Variants in ZNF185 observed in about 807,000 individuals in gnomAD.
ZNF185 encodes the protein zinc finger protein 185 with LIM domain, also known as zinc finger protein 185.
ZNF185 carries 56 observed loss-of-function variants against 58.6 expected under a neutral mutation model. That is an observed-to-expected ratio of 0.95 (90% CI 0.77 to 1.19). The LOEUF is 1.19. Ranked by LOEUF, ZNF185 falls within the 50% of genes most tolerant of loss-of-function variation. The pLI is 0.00. For synonymous variants in ZNF185, 230 were observed against 215.9 expected (o/e 1.07, Z -0.57); for missense variants, 627 against 573.5 (o/e 1.09, Z -0.95).
chrX:152,966,561 C>T (rs891709222), intron 19 of ZNF185, among the ~76,000 whole-genome samples: 20 of 111,443 alleles, frequency 1.8e-4, no homozygotes, highest in African/African-American at 6.2e-4. Context: ...AGGATCACTT[C>T]GGACAAGATG....
the ZNF185 span, among the ~76,000 whole-genome samples, chrX:152,906,961 G>A: frequency 9.0e-6 from 1 of 110,835 alleles, no homozygotes; most frequent in Non-Finnish European, 1.9e-5. Context: ...GTTTGCTTAG[G>A]AGGCCCTGCC....
At chrX:152,947,332 A>G (rs1004843421) in intron 16 of ZNF185, among the ~76,000 whole-genome samples, 1 of 111,590 alleles carries the variant, frequency 9.0e-6, no homozygotes, top group Admixed American at 9.5e-5. Context: ...ACAGGGAGCC[A>G]TGTTCCTGCC....
upstream of ZNF185, among the ~76,000 whole-genome samples, chrX:152,910,374 T>C (rs1335821760): frequency 8.9e-6 from 1 of 112,566 alleles, no homozygotes; most frequent in Non-Finnish European, 1.9e-5. Context: ...TGTATATCTT[T>C]ACAGATTTTT....
At chrX:152,898,082 G>T in the ZNF185 span, among the ~76,000 whole-genome samples, 2 of 101,942 alleles carry the variant, frequency 2.0e-5, no homozygotes, top group Admixed American at 2.1e-4. Context: ...GCGCCTCCTC[G>T]CCTCCCTGCG....
the ZNF185 span, among the ~76,000 whole-genome samples, chrX:152,901,991 T>C: frequency 2.7e-5 from 3 of 111,605 alleles, no homozygotes; most frequent in Admixed American, 9.4e-5. Flanking sequence ...CTGTTGGGAG[T>C]GTGCTCATTT....
rs899414605 is a variant in ZNF185 at position 152,952,160 on chromosome X, A to G, written c.1409+6696A>G. Among the ~76,000 whole-genome samples the G allele has an allele frequency of 4.5e-5, 5 of 112,319 alleles. No homozygotes were observed. The Admixed American group carries it at 4.7e-4, about 11-fold the overall frequency. On this transcript the variant is annotated intron_variant, in intron 16 of 22. Transcript: ENST00000449285. ...AAGTAGAGTAAAAATATATGCTTGT[A>G]TTCTGTTGTATTATATGTAATGCTG...
At chrX:152,960,559 G>C (rs1603306876) in intron 17 of ZNF185, among the ~76,000 whole-genome samples, 3 of 112,472 alleles carry the variant, frequency 2.7e-5, no homozygotes, top group African/African-American at 9.7e-5. Context: ...GGCCTTTGTA[G>C]ATCAGTGTGG....
rs2046294231 is a variant in ZNF185 at position 152,936,436 on chromosome X, C to G, written c.1122-1638C>G. On this transcript the variant is annotated intron_variant, in intron 14 of 22. Coordinates refer to ENST00000449285, the Ensembl canonical transcript of ZNF185. Reference sequence around the variant, plus strand: ...TTCACAGGCTGTGTGCAGCTGCTAGCTTTGCCTCTTTCCTGGAAGACCAGG... The same window carrying G: ...TTCACAGGCTGTGTGCAGCTGCTAGGTTTGCCTCTTTCCTGGAAGACCAGG... The G allele has an allele frequency of 4.3e-6, 5 of 1,165,241 alleles. No individual in the cohort carries two copies. In the South Asian group the frequency reaches 7.6e-5, roughly 18 times the overall value.
chrX:152,927,669 T>C (rs1941127042), intron 11 of ZNF185, among the ~76,000 whole-genome samples: 1 of 112,078 alleles, frequency 8.9e-6, no homozygotes, highest in African/African-American at 3.2e-5. Context: ...TCCATGAAGC[T>C]TGTCCACTGC....
chrX:152,933,754 T>C (rs1021681878), intron 14 of ZNF185, among the ~76,000 whole-genome samples: 2 of 112,507 alleles, frequency 1.8e-5, no homozygotes, highest in Non-Finnish European at 3.8e-5. Flanking sequence ...CCGCAAGATA[T>C]CATCTGCCTC....
chrX:152,924,066 C>A (rs1940340107), intron 11 of ZNF185, among the ~76,000 whole-genome samples: 1 of 111,298 alleles, frequency 9.0e-6, no homozygotes, highest in Admixed American at 9.5e-5. Context: ...ACTCCATCTT[C>A]TCCCTGGGCC....
intron 3 of ZNF185, 105 bp from the exon 5 acceptor site, chrX:152,917,026 C>T: frequency 9.0e-7 from 1 of 1,113,365 alleles, no homozygotes; most frequent in Non-Finnish European, 1.2e-6. Context: ...ACCTGGAGCA[C>T]TTGCCAGCCA....
intron 16 of ZNF185, among the ~76,000 whole-genome samples, chrX:152,955,099 C>T (rs2048690559): frequency 8.9e-6 from 1 of 111,823 alleles, no homozygotes; most frequent in African/African-American, 3.3e-5. Flanking sequence ...AGTATGGCCG[C>T]TGGGATTGGC....
At chrX:152,951,143 T>G (rs1300279521) in intron 16 of ZNF185, among the ~76,000 whole-genome samples, 1 of 104,154 alleles carries the variant, frequency 9.6e-6, no homozygotes, top group East Asian at 3.0e-4. Context: ...TGGAGTGCAG[T>G]CGCGCGATCA....
At chrX:152,969,733 C>A (rs1268260194) in intron 21 of ZNF185, among the ~76,000 whole-genome samples, 1 of 112,390 alleles carries the variant, frequency 8.9e-6, no homozygotes, top group Non-Finnish European at 1.9e-5. Flanking sequence ...CAAAAGAGGT[C>A]TTTTCAGGAA....
Position 152,929,559 on chromosome X carries a change from A to G in ZNF185, c.917+898A>G, listed in dbSNP as rs148152575. Among the ~76,000 whole-genome samples the G allele has an allele frequency of 7.7e-3, 854 of 110,590 alleles. 9 individuals carry two copies. The highest frequency in any genetic ancestry group is 0.026 in the African/African-American group (801 of 30,318). ...TCCTGAGCGATCTCTAGGTCCCTTT[A>G]CCCTCCTCCTTGGCTCCTCCCACTT... On this transcript the variant is annotated intron_variant, in intron 12 of 22. Transcript: ENST00000449285.
intron 14 of ZNF185, among the ~76,000 whole-genome samples, chrX:152,937,683 T>C (rs1021054055): frequency 3.6e-5 from 4 of 111,813 alleles, no homozygotes; most frequent in African/African-American, 1.3e-4. Context: ...CATAAACAGG[T>C]TATATAAGAA....
At chrX:152,937,932 C>T in intron 14 of ZNF185, 142 bp from the exon 17 acceptor site, 2 of 532,074 alleles carry the variant, frequency 3.8e-6, no homozygotes, top group South Asian at 6.2e-5. Context: ...CGGTGCCACA[C>T]TAATGCCAGG....
chrX:152,927,406 C>T (rs975061931), intron 11 of ZNF185, among the ~76,000 whole-genome samples: 3 of 111,282 alleles, frequency 2.7e-5, no homozygotes, highest in Admixed American at 9.5e-5. Context: ...ATGAGCAGCC[C>T]GCTGACCCAG....
Sources: allele counts gnomAD v4.1 joint callset (sites outside exome capture counted in the v4.1 genomes callset), GRCh38; gene constraint gnomAD v4.1.1; transcripts MANE v1.5; gene names NCBI Gene and HGNC (gene_info 2026-07-23, HGNC 2026-07-21).